PDK1: variants seen among roughly 807,000 people sequenced by gnomAD.
PDK1 encodes pyruvate dehydrogenase kinase 1.
PDK1 carries 39 observed loss-of-function variants against 54.2 expected under a neutral mutation model. The observed-to-expected ratio is 0.72, with a 90% confidence interval of 0.56 to 0.94. The LOEUF is 0.94. PDK1 is among the 40% of genes least tolerant of loss of function. The pLI is 0.00. For missense variants in PDK1, 552 were observed against 566.0 expected, an observed-to-expected ratio of 0.98 and a Z score of 0.25; for synonymous variants, 221 against 207.1, an observed-to-expected ratio of 1.07 and a Z score of -0.58.
the PDK1 span, among the ~76,000 whole-genome samples, chr2:172,635,295 A>T: frequency 6.6e-6 from 1 of 152,088 alleles, no homozygotes; most frequent in African/African-American, 2.4e-5. Flanking sequence ...TATTTATCAC[A>T]CGGCCAATTG....
intron 5 of PDK1, among the ~76,000 whole-genome samples, chr2:172,565,529 C>CCTGCCTGA (rs1300544731): frequency 1.3e-5 from 2 of 149,372 alleles, no homozygotes; most frequent in African/African-American, 5.2e-5. Context: ...GTCTGGAACT[C>CCTGCCTGA]CTGCCTGCCT....
In PDK1 at chr2:172,556,159, G is replaced by T. The variant is rs1688306340; in HGVS notation, c.9G>T (p.Leu3=). 7.1e-7 allele frequency: 1 copy of T among 1,414,484 alleles called. No individual in the cohort carries two copies. Among genetic ancestry groups the T allele is most frequent in the African/African-American group, 1.5e-5 (1 of 66,306 alleles). 87.6% of individuals were successfully genotyped at this position (1,414,484 alleles called of 1,614,324 possible). The change falls in exon 1 of 11, where the codon CTG becomes CTT. Residue 3 remains leucine (L), a synonymous_variant. Transcript: ENST00000282077. ...CTCTAGCGGGACTCGGCATGAGGCT[G>T]GCGCGGCTGCTTCGCGGAGCCGCCT... MR[L]ARLLRGAALA... is the part of the protein sequence containing the mutation.
At chr2:172,581,167 G>A (rs1173734508) in intron 8 of PDK1, among the ~76,000 whole-genome samples, 3 of 152,136 alleles carry the variant, frequency 2.0e-5, no homozygotes, top group South Asian at 4.2e-4. Context: ...ATCTCAGCTT[G>A]CTGCAAGCTC....
rs1574555036 is a variant in PDK1, at chr2:172,605,736, A to G, written c.*9767A>G. 6.6e-6 allele frequency: 1 copy of G among 151,982 alleles called. No individual in the cohort carries two copies. Among genetic ancestry groups the G allele is most frequent in the Admixed American group, 6.6e-5 (1 of 15,250 alleles). 9.4% of individuals were successfully genotyped at this position (151,982 alleles called of 1,614,324 possible). A position where few individuals can be genotyped will look rare whatever the true frequency, so the allele number is the denominator to read the frequency against. ...AGCTGTGCTGAGTGGGTTTCTTTAG[A>G]TTTTCATTTTCATGTTTGCCCCATT... On this transcript the variant is annotated 3_prime_UTR_variant, in exon 11 of 11. Transcript: ENST00000282077.
At chr2:172,611,813 T>C (rs1691472505), downstream of PDK1, among the ~76,000 whole-genome samples, 1 of 152,226 alleles carries the variant, frequency 6.6e-6, no homozygotes, top group Non-Finnish European at 1.5e-5. Context: ...TCAATTGACA[T>C]AGAAGAAGCA....
the PDK1 span, among the ~76,000 whole-genome samples, chr2:172,639,689 A>C: frequency 6.6e-6 from 1 of 152,196 alleles, no homozygotes; most frequent in Non-Finnish European, 1.5e-5. Context: ...CTTGGTCTGC[A>C]GTGTAACAGT....
the PDK1 span, among the ~76,000 whole-genome samples, chr2:172,619,556 G>A: frequency 2.0e-5 from 3 of 151,548 alleles, no homozygotes; most frequent in Admixed American, 2.0e-4. Flanking sequence ...GTTTTCTGCG[G>A]TAACAGTCTT....
the PDK1 span, chr2:172,674,769 GCTCAGGGC>G: frequency 6.9e-6 from 1 of 145,650 alleles, no homozygotes; most frequent in Admixed American, 6.6e-5. Flanking sequence ...CTAGAATGGA[GCTCAGGGC>G]CTTCGGGAGG....
the PDK1 span, among the ~76,000 whole-genome samples, chr2:172,669,093 T>C: frequency 7.3e-6 from 1 of 136,270 alleles, no homozygotes; most frequent in Non-Finnish European, 1.5e-5. Flanking sequence ...GGAGTCTCGC[T>C]CTGTCGCCCA....
rs1688492784 is a variant in PDK1 at position 172,558,725 on chromosome 2, G to A, written c.214G>A (p.Glu72Lys). ...GGTTTCAGGATCAGTGAATGCTTGT[G>A]AAAAGACCTCATTTATGTTTCTGCG... is the stretch of plus-strand genomic sequence containing the variant. Reference protein sequence around the residue: ...FLDFGSVNACEKTSFMFLRQE... With the variant: ...FLDFGSVNACKKTSFMFLRQE... Residue 72 changes from glutamate (E) to lysine (K), a missense_variant, in exon 2 of 11, where the codon GAA becomes AAA. Coordinates refer to ENST00000282077, the MANE Select transcript of PDK1 (RefSeq NM_002610.5). 2 of 1,607,628 alleles carry A rather than the reference G, an allele frequency of 1.2e-6. No individual in the cohort carries two copies. The highest frequency in any genetic ancestry group is 1.7e-5 in the Admixed American group (1 of 57,482).
chr2:172,568,701 ATC>A lies in PDK1; in HGVS notation c.770-34_770-33del, dbSNP rs1179903828. On this transcript the variant is annotated intron_variant, in intron 6 of 10. Transcript: ENST00000282077. ...TTATTCTTAAAAATGCTTTAAGCAC[ATC>A]TCTCTGTACTTTCATATTTTTCTCT... The A allele has an allele frequency of 5.0e-6, 6 of 1,204,098 alleles. No homozygotes were observed. In the South Asian group the frequency reaches 6.1e-5, roughly 12 times the overall value. The allele number at this position is 1,204,098 out of a possible 1,614,324, so 74.6% of individuals were successfully genotyped here.
chr2:172,632,969 A>G, the PDK1 span, among the ~76,000 whole-genome samples: 40 of 91,578 alleles, frequency 4.4e-4, 1 homozygote, highest in African/African-American at 1.1e-3. Context: ...CGACAGAATG[A>G]GATTCTGTCT....
intron 10 of PDK1, among the ~76,000 whole-genome samples, chr2:172,594,743 T>TG (rs1290877106): frequency 6.6e-6 from 1 of 152,066 alleles, no homozygotes; most frequent in African/African-American, 2.4e-5. Flanking sequence ...GAGATTTTCT[T>TG]GTTCAGGGTG....
chr2:172,707,813 C>T, the PDK1 span, among the ~76,000 whole-genome samples: 39 of 152,308 alleles, frequency 2.6e-4, no homozygotes, highest in Middle Eastern at 3.4e-3. Flanking sequence ...CTAGGGACCA[C>T]ACATTTGTTG....
intron 8 of PDK1, among the ~76,000 whole-genome samples, chr2:172,571,823 C>CTTTTTTTT (rs36031428): frequency 1.2e-4 from 12 of 99,796 alleles, no homozygotes; most frequent in East Asian, 2.9e-4. Flanking sequence ...TCTTTCTTTA[C>CTTTTTTTT]TTTTTTTTTT....
the PDK1 span, among the ~76,000 whole-genome samples, chr2:172,653,849 G>A: frequency 5.9e-5 from 9 of 152,038 alleles, no homozygotes; most frequent in Non-Finnish European, 1.3e-4. Context: ...CCTACAGAAC[G>A]GGAGAAAATT....
At chr2:172,656,508 T>A in the PDK1 span, among the ~76,000 whole-genome samples, 1 of 152,326 alleles carries the variant, frequency 6.6e-6, no homozygotes, top group East Asian at 1.9e-4. Context: ...TTCCCCAGGT[T>A]GATTAGGCTC....
At chr2:172,590,568 G>A (rs947967434) in intron 9 of PDK1, among the ~76,000 whole-genome samples, 7 of 152,206 alleles carry the variant, frequency 4.6e-5, no homozygotes, top group African/African-American at 1.2e-4. Context: ...CTGACTTCAG[G>A]AGTGAAGCTG....
chr2:172,607,266 G>C lies in PDK1; in HGVS notation c.*11297G>C, dbSNP rs1691328385. ...TGATTGTGCTGCTGCACTCCAGCCT[G>C]GGTGACAGAGCGAGGTTGCTTCTAA... On this transcript the variant is annotated 3_prime_UTR_variant, in exon 11 of 11. Coordinates refer to ENST00000282077, the MANE Select transcript of PDK1 (RefSeq NM_002610.5). The C allele has an allele frequency of 6.6e-6, 1 of 152,188 alleles. No individual in the cohort carries two copies. The highest frequency in any genetic ancestry group is 2.4e-5 in the African/African-American group (1 of 41,458). The allele number at this position is 152,188 out of a possible 1,614,324, so 9.4% of individuals were successfully genotyped here.
Sources: gnomAD v4.1 joint callset for allele counts (sites outside exome capture counted in the v4.1 genomes callset) on GRCh38, gnomAD v4.1.1 for gene constraint, MANE v1.5 for transcripts, NCBI Gene and HGNC (gene_info 2026-07-23, HGNC 2026-07-21) for gene names.